PGBD5: variants seen among roughly 807,000 people sequenced by gnomAD.
PGBD5 encodes piggyBac transposable element-derived protein 5.
In PGBD5, 14 loss-of-function variants were observed where a neutral mutation model predicts 47.9. The observed-to-expected ratio is 0.29, with a 90% CI of 0.19 to 0.46. The LOEUF (loss-of-function observed/expected upper bound fraction) is 0.46. PGBD5 is among the 20% of genes least tolerant of loss of function. The pLI is 1.00. For missense variants in PGBD5, 635 were observed against 716.0 expected (o/e 0.89, Z 1.29); for synonymous variants, 316 against 306.3 (o/e 1.03, Z -0.33).
In PGBD5 at chr1:230,323,376, TCTC is replaced by T. The variant is rs777033808; in HGVS notation, c.*46_*48del. 9.5e-6 allele frequency: 15 copies of T among 1,572,162 alleles called. No individual in the cohort carries two copies. The East Asian group carries it at 1.1e-4, about 12-fold the overall frequency. On this transcript the variant is annotated 3_prime_UTR_variant, in exon 7 of 7. Transcript: ENST00000391860. The surrounding 1 kb of genome is among the most constrained non-coding windows in gnomAD (Gnocchi z 4.1). ...TGATGGGCAAGTTGGAACGGCAGGCTCTCCTCCTCCTCTTGCCCCTCCCTTGAC... is the reference window on the plus strand; with the variant it reads ...TGATGGGCAAGTTGGAACGGCAGGCTCTCCTCCTCTTGCCCCTCCCTTGAC...
intron 5 of PGBD5, among the ~76,000 whole-genome samples, chr1:230,327,238 C>T (rs1667134747): frequency 6.6e-6 from 1 of 152,056 alleles, no homozygotes; most frequent in Non-Finnish European, 1.5e-5. Context: ...AAGGCATTGG[C>T]TCACAGGATT....
intron 1 of PGBD5, among the ~76,000 whole-genome samples, chr1:230,379,613 C>T (rs1304625750): frequency 6.6e-6 from 1 of 152,246 alleles, no homozygotes; most frequent in Non-Finnish European, 1.5e-5. Flanking sequence ...GGCCTCCTTG[C>T]TCTTGCATTG....
chr1:230,370,647 G>A (rs569186782), intron 1 of PGBD5, among the ~76,000 whole-genome samples: 1 of 152,314 alleles, frequency 6.6e-6, no homozygotes, highest in South Asian at 2.1e-4. Flanking sequence ...AGCCTCTAAT[G>A]AGGTCACAGA....
intron 1 of PGBD5, chr1:230,377,366 A>C (rs986726483): frequency 8.8e-6 from 9 of 1,017,746 alleles, no homozygotes; most frequent in Non-Finnish European, 1.3e-5. Context: ...TCCAGGTGAA[A>C]TGCTGACATC....
rs1656618281 is a variant in PGBD5 at position 230,385,602 on chromosome 1, A to G, written c.332-28281T>C. On this transcript the variant is annotated intron_variant, in intron 1 of 6. Transcript: ENST00000391860. ...TGACTCACTTATTATAGAGAAAATT[A>G]GAAAATACAAATAAGCAAAAGGAAA... Among the ~76,000 whole-genome samples, 3 of 152,344 alleles carry G rather than the reference A, an allele frequency of 2.0e-5. No individual in the cohort carries two copies. The South Asian group carries it at 6.2e-4, about 32-fold the overall frequency.
intron 6 of PGBD5, among the ~76,000 whole-genome samples, 156 bp downstream of exon 6, chr1:230,325,154 G>C (rs1667095201): frequency 6.6e-6 from 1 of 152,146 alleles, no homozygotes; most frequent in Admixed American, 6.5e-5. Context: ...CACAGGCGAG[G>C]CCCAGAAGCC....
At chr1:230,402,634 T>C (rs979804502) in intron 1 of PGBD5, among the ~76,000 whole-genome samples, 4 of 152,082 alleles carry the variant, frequency 2.6e-5, no homozygotes, top group East Asian at 3.9e-4. Flanking sequence ...TTAAAATTTT[T>C]TGTAGAGATT....
chr1:230,368,539 G>A (rs2820376), intron 1 of PGBD5, among the ~76,000 whole-genome samples: 96,279 of 151,938 alleles, frequency 0.63, 31,789 homozygotes, highest in Non-Finnish European at 0.74. Context: ...GCCTCTTGCG[G>A]AGTGAGTGAA....
In PGBD5 at chr1:230,323,702, A is replaced by T; in HGVS notation, c.1380-82T>A. ...CATCCCAAAGGCCCCCCCTCACCACAGCCCGTGAGACGCTGCAGGTTCGCC... is the reference window on the plus strand; with the variant it reads ...CATCCCAAAGGCCCCCCCTCACCACTGCCCGTGAGACGCTGCAGGTTCGCC... On this transcript the variant is annotated intron_variant, in intron 6 of 6. Transcript: ENST00000391860. The surrounding 1 kb of genome is among the most constrained non-coding windows in gnomAD (Gnocchi z 4.1). The T allele has an allele frequency of 7.3e-7, 1 of 1,375,204 alleles. No individual in the cohort carries two copies. Among genetic ancestry groups the T allele is most frequent in the South Asian group, 1.3e-5 (1 of 75,376 alleles). The allele number at this position is 1,375,204 out of a possible 1,614,324, so 85.2% of individuals were successfully genotyped here. A position where few individuals can be genotyped will look rare whatever the true frequency, so the allele number is the denominator to read the frequency against.
intron 5 of PGBD5, among the ~76,000 whole-genome samples, chr1:230,332,195 T>C (rs1232341325): frequency 6.6e-6 from 1 of 152,184 alleles, no homozygotes; most frequent in Non-Finnish European, 1.5e-5. Flanking sequence ...CGTCGTCATT[T>C]GTCTTGAGGA....
chr1:230,404,249 C>A (rs1459454370), intron 1 of PGBD5, among the ~76,000 whole-genome samples: 1 of 152,140 alleles, frequency 6.6e-6, no homozygotes, highest in African/African-American at 2.4e-5. Flanking sequence ...GGGGCAGAGA[C>A]AGGAGAACTG....
chr1:230,370,309 C>T (rs779397450), intron 1 of PGBD5, among the ~76,000 whole-genome samples: 18 of 152,200 alleles, frequency 1.2e-4, no homozygotes, highest in Non-Finnish European at 1.9e-4. Context: ...CGCTGCGGTT[C>T]GTGAGCCGTG....
chr1:230,350,341 T>C (rs1667541938), intron 3 of PGBD5, among the ~76,000 whole-genome samples: 1 of 152,076 alleles, frequency 6.6e-6, no homozygotes, highest in Non-Finnish European at 1.5e-5. Flanking sequence ...TTCCTGGGAG[T>C]ATCATCACAA....
At chr1:230,420,731 C>T (rs937721519) in intron 1 of PGBD5, among the ~76,000 whole-genome samples, 3 of 152,302 alleles carry the variant, frequency 2.0e-5, no homozygotes, top group Admixed American at 6.5e-5. Flanking sequence ...GTCCAATAAA[C>T]CTCTTTCTTT....
At chr1:230,368,029 T>C (rs367767352) in intron 1 of PGBD5, 6 of 1,367,670 alleles carry the variant, frequency 4.4e-6, no homozygotes, top group Non-Finnish European at 5.9e-6. Flanking sequence ...ACACCCCACA[T>C]AGGCAGGAAT....
Position 230,316,223 on chromosome 1 carries a change from T to A in PGBD5, c.*7202A>T, listed in dbSNP as rs959804725. The A allele has an allele frequency of 3.3e-5, 5 of 152,632 alleles. No individual in the cohort carries two copies. The highest frequency in any genetic ancestry group is 7.4e-5 in the Non-Finnish European group (5 of 67,962). 9.5% of individuals were successfully genotyped at this position (152,632 alleles called of 1,614,324 possible). ...ACATACATATGTACACATGTGTATA[T>A]GTGTATACGTACATATGTGTATATA... On this transcript the variant is annotated 3_prime_UTR_variant, in exon 7 of 7. Coordinates refer to ENST00000391860, the MANE Select transcript of PGBD5 (RefSeq NM_001258311.2).
intron 1 of PGBD5, among the ~76,000 whole-genome samples, chr1:230,370,347 C>T (rs1318599757): frequency 6.6e-6 from 1 of 152,146 alleles, no homozygotes; most frequent in Non-Finnish European, 1.5e-5. Context: ...GTCCCACTGT[C>T]CCCTCCCCTT....
intron 1 of PGBD5, among the ~76,000 whole-genome samples, chr1:230,405,213 T>C (rs1189671175): frequency 4.0e-5 from 6 of 150,196 alleles, no homozygotes; most frequent in South Asian, 2.1e-4. Flanking sequence ...AAAAAAGATA[T>C]ATGAAGAAAA....
intron 2 of PGBD5, among the ~76,000 whole-genome samples, chr1:230,355,132 C>T (rs774466580): frequency 8.5e-5 from 13 of 152,196 alleles, no homozygotes; most frequent in Non-Finnish European, 1.5e-4. Flanking sequence ...TACCCCGGTA[C>T]TGCCCATCTG....
Sources: gnomAD v4.1 joint callset for allele counts (sites outside exome capture counted in the v4.1 genomes callset) on GRCh38, gnomAD v4.1.1 for gene constraint, Gnocchi (gnomAD v3.1) non-coding constraint, MANE v1.5 for transcripts, NCBI Gene and HGNC (gene_info 2026-07-23, HGNC 2026-07-21) for gene names.